Variants in PIK3C2G observed in about 807,000 individuals in gnomAD.
PIK3C2G encodes the protein phosphatidylinositol 3-kinase C2 domain-containing subunit gamma.
A neutral mutation model predicts 181.1 loss-of-function variants in PIK3C2G; 168 were observed. The ratio of observed to expected loss-of-function variants is 0.93; its 90% confidence interval spans 0.82 to 1.05. The LOEUF is 1.05. Among genes scored for constraint, PIK3C2G ranks in the 50% least tolerant of loss-of-function variants. The pLI is 0.00. For missense variants in PIK3C2G, 1,869 were observed against 1,732.8 expected (o/e 1.08, Z -1.40); for synonymous variants, 573 against 592.2 (o/e 0.97, Z 0.47).
intron 8 of PIK3C2G, 142 bp downstream of exon 8, chr12:18,325,240 T>G: frequency 1.7e-6 from 1 of 604,216 alleles, no homozygotes; most frequent in Non-Finnish European, 2.9e-6. Context: ...CATTTCAACC[T>G]GGAAAAATAG....
intron 22 of PIK3C2G, among the ~76,000 whole-genome samples, chr12:18,498,391 C>T (rs1186007018): frequency 6.6e-6 from 1 of 152,088 alleles, no homozygotes; most frequent in Non-Finnish European, 1.5e-5. Context: ...CACTTAATTA[C>T]AATAATGCCA....
chr12:18,363,502 G>A (rs1359666915), intron 12 of PIK3C2G, among the ~76,000 whole-genome samples: 3 of 151,748 alleles, frequency 2.0e-5, no homozygotes, highest in African/African-American at 7.3e-5. Flanking sequence ...AACCCCAGGG[G>A]GCTCATCAGC....
At position 18,423,987 on chromosome 12, in the gene PIK3C2G, C is replaced by T. The variant is rs373687389; in HGVS notation, c.2452C>T (p.Leu818Phe). The change falls in exon 18 of 33, where the codon CTT (leucine) becomes TTT (phenylalanine). Residue 818 changes from leucine (L) to phenylalanine (F), a missense_variant. Coordinates refer to ENST00000538779, the MANE Select transcript of PIK3C2G (RefSeq NM_001288772.2). Reference sequence around the variant, plus strand: ...GAACCTTGAGAGTCCTTTAGTGCAACTTCTACTCCACCGCTCCTTGCAGAG... The same window carrying T: ...GAACCTTGAGAGTCCTTTAGTGCAATTTCTACTCCACCGCTCCTTGCAGAG... ...EWNLESPLVQ[L>F]LLHRSLQSIQ... The T allele has an allele frequency of 1.2e-6, 2 of 1,611,790 alleles. No homozygotes were observed. The highest frequency in any genetic ancestry group is 1.3e-5 in the African/African-American group (1 of 74,894).
At chr12:18,440,211 C>T (rs1240201561) in intron 18 of PIK3C2G, among the ~76,000 whole-genome samples, 1 of 151,914 alleles carries the variant, frequency 6.6e-6, no homozygotes, top group African/African-American at 2.4e-5. Context: ...AGGCTTATAT[C>T]TGTAAGAGTT....
chr12:18,687,103 A>G, the PIK3C2G span, among the ~76,000 whole-genome samples: 1 of 152,040 alleles, frequency 6.6e-6, no homozygotes, highest in Non-Finnish European at 1.5e-5. Flanking sequence ...AAGGGTGTCA[A>G]ATGAGGCAGG....
intron 15 of PIK3C2G, among the ~76,000 whole-genome samples, chr12:18,395,104 A>T (rs60631635): frequency 0.14 from 16,125 of 118,936 alleles, 1,149 homozygotes; most frequent in Admixed American, 0.3. Context: ...TCTTTCTTTC[A>T]TTCTTTCTTT....
At chr12:18,712,829 G>T in the PIK3C2G span, 1 of 1,612,954 alleles carries the variant, frequency 6.2e-7, no homozygotes. Context: ...GTTGAACAAA[G>T]ATATGTACAT....
At chr12:18,677,813 T>A in the PIK3C2G span, among the ~76,000 whole-genome samples, 1 of 152,084 alleles carries the variant, frequency 6.6e-6, no homozygotes, top group South Asian at 2.1e-4. Flanking sequence ...CTAAAAAATA[T>A]AAGCACAAAT....
At chr12:18,374,340 C>A (rs1453966695) in intron 13 of PIK3C2G, among the ~76,000 whole-genome samples, 1 of 152,168 alleles carries the variant, frequency 6.6e-6, no homozygotes, top group Admixed American at 6.5e-5. Context: ...GAGTAGCCAA[C>A]CCTGACTCCA....
Position 18,371,331 on chromosome 12 carries a change from G to A in PIK3C2G, c.1880+20G>A. 6.3e-7 allele frequency: 1 copy of A among 1,576,020 alleles called. No homozygotes were observed. The highest frequency in any genetic ancestry group is 8.6e-7 in the Non-Finnish European group (1 of 1,160,014). On this transcript the variant is annotated intron_variant, in intron 13 of 32. Transcript: ENST00000538779. Reference sequence around the variant, plus strand: ...AAAAGAGTAAGTGTATCAATTGTGAGTAATAAGCCTATCATTTCAATAAAA... The same window carrying A: ...AAAAGAGTAAGTGTATCAATTGTGAATAATAAGCCTATCATTTCAATAAAA...
At chr12:18,308,121 A>G (rs1401229709) in intron 5 of PIK3C2G, among the ~76,000 whole-genome samples, 1 of 151,912 alleles carries the variant, frequency 6.6e-6, no homozygotes, top group Non-Finnish European at 1.5e-5. Flanking sequence ...ATAGCTCTAT[A>G]TCATTAAACA....
the PIK3C2G span, among the ~76,000 whole-genome samples, chr12:18,689,552 C>A: frequency 4.8e-4 from 73 of 152,244 alleles, no homozygotes; most frequent in African/African-American, 1.7e-3. Context: ...ATATTGGACA[C>A]CCCTGGTTTA....
rs565692689 is a variant in PIK3C2G at position 18,413,097 on chromosome 12, A to G, written c.2316-7844A>G. The stretch of plus-strand genomic sequence containing the variant: ...TAACCCTTACAATCTTAGCCTTCAT[A>G]GAGTATTTTTTTCTTTGTCTCTCAG... On this transcript the variant is annotated intron_variant, in intron 16 of 32. Transcript: ENST00000538779. 1.6e-4 allele frequency among the ~76,000 whole-genome samples: 24 copies of G among 152,248 alleles called. No individual in the cohort carries two copies. In the South Asian group the frequency reaches 5.0e-3, roughly 32 times the overall value.
At chr12:18,295,711 A>G (rs1949910054) in intron 5 of PIK3C2G, among the ~76,000 whole-genome samples, 1 of 152,138 alleles carries the variant, frequency 6.6e-6, no homozygotes, top group Non-Finnish European at 1.5e-5. Context: ...AAATATAGTC[A>G]TTTATTCCCT....
At chr12:18,557,725 G>T (rs1180341321) in intron 26 of PIK3C2G, among the ~76,000 whole-genome samples, 1 of 151,976 alleles carries the variant, frequency 6.6e-6, no homozygotes, top group Non-Finnish European at 1.5e-5. Flanking sequence ...TGCATATGTT[G>T]TTAGAATTAA....
chr12:18,305,903 G>T (rs1334756635), intron 5 of PIK3C2G, among the ~76,000 whole-genome samples: 2 of 151,286 alleles, frequency 1.3e-5, no homozygotes, highest in East Asian at 3.9e-4. Context: ...TTTTGTGAAA[G>T]AAAGAAAGTT....
intron 31 of PIK3C2G, among the ~76,000 whole-genome samples, chr12:18,635,459 A>T (rs548855803): frequency 6.6e-6 from 1 of 152,226 alleles, no homozygotes; most frequent in Non-Finnish European, 1.5e-5. Context: ...CCAATTCGTG[A>T]TGGGCAACTC....
chr12:18,420,724 A>G (rs1945433799), intron 16 of PIK3C2G, among the ~76,000 whole-genome samples: 4 of 152,130 alleles, frequency 2.6e-5, no homozygotes, highest in African/African-American at 9.7e-5. Flanking sequence ...CCACATTTCC[A>G]AAGTCTAGTT....
chr12:18,475,116 A>G lies in PIK3C2G; in HGVS notation c.2505-13333A>G, dbSNP rs150179279. On this transcript the variant is annotated intron_variant, in intron 18 of 32. Coordinates refer to ENST00000538779, the MANE Select transcript of PIK3C2G (RefSeq NM_001288772.2). ...AAGAGGAGCAAAAATGAAAATAACA[A>G]TAAGAATAAAAGCCACCGATAGATT... Among the ~76,000 whole-genome samples, 10 of 152,230 alleles carry G rather than the reference A, an allele frequency of 6.6e-5. No individual in the cohort carries two copies. The East Asian group carries it at 1.7e-3, about 26-fold the overall frequency.
Sources: gnomAD v4.1 joint callset for allele counts (sites outside exome capture counted in the v4.1 genomes callset) on GRCh38, gnomAD v4.1.1 for gene constraint, MANE v1.5 for transcripts, NCBI Gene and HGNC (gene_info 2026-07-23, HGNC 2026-07-21) for gene names.